The following PGR variants were observed in gnomAD, a reference collection of about 807,000 sequenced individuals.
PGR encodes nuclear receptor subfamily 3 group C member 3.
In PGR, 25 loss-of-function variants were observed where a neutral mutation model predicts 76.1. The ratio of observed to expected loss-of-function variants is 0.33; its 90% CI spans 0.24 to 0.46. The LOEUF is 0.46. Among genes scored for constraint, PGR ranks in the 20% least tolerant of loss-of-function variants. The pLI, the probability that PGR is intolerant of heterozygous loss-of-function variation, is 1.00. For missense variants in PGR, 1,172 were observed against 1,225.3 expected (o/e 0.96, Z 0.65); for synonymous variants, 579 against 535.0 (o/e 1.08, Z -1.14).
At chr11:101,105,576 G>C (rs1257895106) in intron 2 of PGR, among the ~76,000 whole-genome samples, 1 of 150,358 alleles carries the variant, frequency 6.7e-6, no homozygotes, top group Non-Finnish European at 1.5e-5. Flanking sequence ...GAAAATCAGA[G>C]AGGACACAAA....
Position 101,032,466 on chromosome 11 carries a change from T to C in PGR, c.*6650A>G. On this transcript the variant is annotated 3_prime_UTR_variant, in exon 8 of 8. Transcript: ENST00000325455. ...AGGCCACTGATTATCTAGACCTGGC[T>C]TTCTTCTTCAGTCTCATCATCCATC... 1 of 232,740 alleles carries C rather than the reference T, an allele frequency of 4.3e-6. No homozygotes were observed. Among genetic ancestry groups the C allele is most frequent in the Non-Finnish European group, 8.5e-6 (1 of 117,752 alleles). 14.4% of individuals were successfully genotyped at this position (232,740 alleles called of 1,614,324 possible). A position where few individuals can be genotyped will look rare whatever the true frequency, so the allele number is the denominator to read the frequency against.
chr11:101,101,927 C>A (rs1471451455), intron 2 of PGR, among the ~76,000 whole-genome samples: 1 of 152,214 alleles, frequency 6.6e-6, no homozygotes, highest in Admixed American at 6.5e-5. Flanking sequence ...TTTTTAAGCA[C>A]ATAAGGGGGT....
intron 6 of PGR, among the ~76,000 whole-genome samples, chr11:101,044,141 C>G (rs1859784080): frequency 6.6e-6 from 1 of 152,162 alleles, no homozygotes; most frequent in Non-Finnish European, 1.5e-5. Context: ...TTTTATCTAC[C>G]CTGAAAACCT....
At chr11:101,110,361 A>T (rs1862307501) in intron 2 of PGR, among the ~76,000 whole-genome samples, 1 of 152,234 alleles carries the variant, frequency 6.6e-6, no homozygotes, top group South Asian at 2.1e-4. Flanking sequence ...CATCAGCATT[A>T]ACAGCAGTTT....
intron 2 of PGR, among the ~76,000 whole-genome samples, chr11:101,119,501 T>C (rs1046230087): frequency 3.3e-5 from 5 of 152,202 alleles, no homozygotes; most frequent in African/African-American, 9.7e-5. Context: ...TGATCACAAA[T>C]GGTCATCTCG....
At chr11:101,120,410 A>G (rs2135500956) in intron 2 of PGR, among the ~76,000 whole-genome samples, 1 of 152,364 alleles carries the variant, frequency 6.6e-6, no homozygotes, top group South Asian at 2.1e-4. Context: ...AAATACTTCA[A>G]TATATTCTGG....
rs1168105814 is a variant in PGR, at chr11:101,036,640, G to A, written c.*2476C>T. On this transcript the variant is annotated 3_prime_UTR_variant, in exon 8 of 8. Transcript: ENST00000325455. ...GGTGAAGCCATATTCTTTTTAAAAA[G>A]GTACTTTATTTTTAAAGCTTAGCCT... The A allele has an allele frequency of 5.0e-6, 1 of 198,112 alleles. No homozygotes were observed. 12.3% of individuals were successfully genotyped at this position (198,112 alleles called of 1,614,324 possible).
At chr11:101,071,592 G>A (rs1334142132) in intron 3 of PGR, among the ~76,000 whole-genome samples, 2 of 151,906 alleles carry the variant, frequency 1.3e-5, no homozygotes, top group Admixed American at 6.6e-5. Context: ...AAAGGTTAGA[G>A]GAATTGCTAC....
chr11:101,042,199 A>T, intron 6 of PGR, 97 bp from the exon 7 acceptor site: 1 of 1,270,050 alleles, frequency 7.9e-7, no homozygotes, highest in Non-Finnish European at 1.1e-6. Context: ...ATTTCTTCTG[A>T]TACATGACTC....
At chr11:101,092,460 C>T (rs543112184) in intron 2 of PGR, among the ~76,000 whole-genome samples, 1 of 152,292 alleles carries the variant, frequency 6.6e-6, no homozygotes, top group Admixed American at 6.5e-5. Flanking sequence ...TTTGACTACA[C>T]ATTAGAAAAT....
rs1859573688 is a variant in PGR, at chr11:101,038,171, C to T, written c.*945G>A. On this transcript the variant is annotated 3_prime_UTR_variant, in exon 8 of 8. Coordinates refer to ENST00000325455, the MANE Select transcript of PGR (RefSeq NM_000926.4). ...GAGAAAGGTATGTGAATTGATACCT[C>T]CCTCCTCCTCCTCTCCCTTTCTTCT... 5.2e-6 allele frequency: 1 copy of T among 191,618 alleles called. No individual in the cohort carries two copies. Among genetic ancestry groups the T allele is most frequent in the Non-Finnish European group, 1.1e-5 (1 of 91,688 alleles). 11.9% of individuals were successfully genotyped at this position (191,618 alleles called of 1,614,324 possible). A position where few individuals can be genotyped will look rare whatever the true frequency, so the allele number is the denominator to read the frequency against.
At chr11:101,124,039 G>C (rs1862762088) in intron 2 of PGR, among the ~76,000 whole-genome samples, 1 of 152,156 alleles carries the variant, frequency 6.6e-6, no homozygotes, top group African/African-American at 2.4e-5. Flanking sequence ...CAGGGAAAGT[G>C]TATCTTTGGC....
chr11:101,044,352 T>A (rs1006482330), intron 6 of PGR, among the ~76,000 whole-genome samples: 4 of 152,170 alleles, frequency 2.6e-5, no homozygotes, highest in African/African-American at 9.7e-5. Context: ...CTTCCTAGTA[T>A]TGAGGAGAAT....
At chr11:101,051,703 T>G (rs1860094848) in intron 4 of PGR, 135 bp from the exon 5 acceptor site, 1 of 686,924 alleles carries the variant, frequency 1.5e-6, no homozygotes, top group Non-Finnish European at 2.6e-6. Context: ...TATTTTACAC[T>G]GAAAATCAGA....
chr11:101,067,711 G>A (rs1348257542), intron 3 of PGR, among the ~76,000 whole-genome samples: 1 of 152,034 alleles, frequency 6.6e-6, no homozygotes, highest in Non-Finnish European at 1.5e-5. Context: ...GGAAGTACAT[G>A]TCAATACATG....
In PGR at chr11:101,031,997, G is replaced by A; in HGVS notation, c.*7119C>T. 4.3e-6 allele frequency: 1 copy of A among 232,624 alleles called. No homozygotes were observed. The highest frequency in any genetic ancestry group is 8.5e-6 in the Non-Finnish European group (1 of 117,700). 14.4% of individuals were successfully genotyped at this position (232,624 alleles called of 1,614,324 possible). A position where few individuals can be genotyped will look rare whatever the true frequency, so the allele number is the denominator to read the frequency against. The stretch of plus-strand genomic sequence containing the variant: ...ACAGACATGCAAAGGTAGGGATATA[G>A]GTGGAGTGGTACAGATTGTTTGGAC... On this transcript the variant is annotated 3_prime_UTR_variant, in exon 8 of 8. Coordinates refer to ENST00000325455, the MANE Select transcript of PGR (RefSeq NM_000926.4).
rs1273134149 is a variant in PGR, at chr11:101,129,148, T to C, written c.-78A>G. On this transcript the variant is annotated 5_prime_UTR_variant, in exon 1 of 8. Coordinates refer to ENST00000325455, the MANE Select transcript of PGR (RefSeq NM_000926.4). ...GAAGGAGGAGGGGGTTTCGGGAATA[T>C]AGGGGCAGAGGGAGGAGAAAGTGGG... The C allele has an allele frequency of 3.5e-6, 4 of 1,145,886 alleles. No homozygotes were observed. Among genetic ancestry groups the C allele is most frequent in the East Asian group, 3.7e-5 (1 of 27,078 alleles). The allele number at this position is 1,145,886 out of a possible 1,614,324, so 71.0% of individuals were successfully genotyped here.
chr11:101,088,304 G>A (rs550264306), intron 3 of PGR, among the ~76,000 whole-genome samples: 31 of 152,184 alleles, frequency 2.0e-4, no homozygotes, highest in African/African-American at 5.8e-4. Flanking sequence ...GTTCTGCCAC[G>A]GTAGAAATTG....
intron 2 of PGR, among the ~76,000 whole-genome samples, chr11:101,110,433 G>A (rs1168143421): frequency 6.6e-6 from 1 of 152,194 alleles, no homozygotes; most frequent in Non-Finnish European, 1.5e-5. Context: ...CATGGAGGAA[G>A]TAACTGCATA....
Sources: gnomAD v4.1 joint callset for allele counts (sites outside exome capture counted in the v4.1 genomes callset) on GRCh38, gnomAD v4.1.1 for gene constraint, MANE v1.5 for transcripts, NCBI Gene and HGNC (gene_info 2026-07-23, HGNC 2026-07-21) for gene names.